VPS13C: variants seen among roughly 807,000 people sequenced by gnomAD.
The protein encoded by VPS13C is vacuolar protein sorting 13 homolog C.
VPS13C carries 358 observed loss-of-function variants against 456.8 expected under a neutral mutation model. The ratio of observed to expected loss-of-function variants is 0.78; its 90% confidence interval spans 0.72 to 0.86. VPS13C has a LOEUF of 0.86. VPS13C is among the 40% of genes least tolerant of loss of function. VPS13C has a pLI of 0.00. For missense variants in VPS13C, 4,818 were observed against 4,385.4 expected, an observed-to-expected ratio of 1.10 and a Z score of -2.79; for synonymous variants, 1,578 against 1,486.7, an observed-to-expected ratio of 1.06 and a Z score of -1.41.
chr15:61,909,044 G>A lies in VPS13C; in HGVS notation c.8926C>T (p.Pro2976Ser), dbSNP rs747131191. The stretch of plus-strand genomic sequence containing the variant: ...GGTGTATGGTTCATTATCAAGGCAG[G>A]TGCAGATCCCTCATGGTAATCAGAA... ...TFSDYHEGSA[P>S]ALIMNHTPWD... is the part of the protein sequence containing the mutation. Residue 2976 changes from proline to serine, a missense_variant, in exon 65 of 85, where the codon CCT becomes TCT. Pro to Ser is a moderately conservative substitution (Grantham distance 74). This residue lies in a region of VPS13C where 4,552 missense variants were observed against 4,130.6 expected (regional missense o/e 1.10). Coordinates refer to ENST00000644861, the MANE Select transcript of VPS13C (RefSeq NM_020821.3). 17 of 1,613,654 alleles carry A rather than the reference G, an allele frequency of 1.1e-5. No homozygotes were observed. The highest frequency in any genetic ancestry group is 1.7e-5 in the Admixed American group (1 of 59,966).
At chr15:61,937,003 T>TG (rs1412887885) in intron 47 of VPS13C, among the ~76,000 whole-genome samples, 4 of 152,204 alleles carry the variant, frequency 2.6e-5, no homozygotes, top group African/African-American at 9.6e-5. Context: ...TCTGTTACTA[T>TG]GTCTTCCTGT....
chr15:61,962,755 A>G lies in VPS13C; in HGVS notation c.3429T>C (p.His1143=). 1 of 1,592,332 alleles carries G rather than the reference A, an allele frequency of 6.3e-7. No individual in the cohort carries two copies. Among genetic ancestry groups the G allele is most frequent in the Non-Finnish European group, 8.6e-7 (1 of 1,166,240 alleles). The change falls in exon 33 of 85, where the codon CAT becomes CAC. Residue 1143 remains histidine (H), a synonymous_variant. Transcript: ENST00000644861. ...TCTGTTTACAATCACCTACTTTCTT[A>G]TGAACTGTCTTTGGATCAACATCTG... The part of the protein sequence containing the change: ...IVTDVDPKTV[H]KKAVSIMGNE...
At position 61,922,399 on chromosome 15, in the gene VPS13C, G is replaced by C; in HGVS notation, c.6973C>G (p.Gln2325Glu). The change falls in exon 54 of 85, where the codon CAG becomes GAG. Residue 2325 changes from glutamine (Q) to glutamate (E), a missense_variant and splice_region_variant. Coordinates refer to ENST00000644861, the MANE Select transcript of VPS13C (RefSeq NM_020821.3). ...LMAAVADVTL[Q>E]VHYYNEIHAV... ...GGTATTAAGTGATGTGGCCATACCT[G>C]TAGTGTCACGTCAGCAACAGCAGCC... 6.2e-7 allele frequency: 1 copy of C among 1,611,814 alleles called. No individual in the cohort carries two copies. The highest frequency in any genetic ancestry group is 8.5e-7 in the Non-Finnish European group (1 of 1,178,880).
In VPS13C at chr15:61,983,951, A is replaced by T; in HGVS notation, c.1783T>A (p.Ser595Thr). ...TGLRQQDIVP[S>T]LVASIGDTTS... The stretch of plus-strand genomic sequence containing the variant: ...GTGTCACCAATTGAAGCCACAAGTG[A>T]TGGCACAATATCCTGCTGTCTCAAA... The change falls in exon 20 of 85, where the codon TCA (serine) becomes ACA (threonine). Residue 595 changes from serine (S) to threonine (T), a missense_variant. Ser to Thr is a moderately conservative substitution (Grantham distance 58). This residue lies in a region of VPS13C where 4,552 missense variants were observed against 4,130.6 expected (regional missense o/e 1.10). Transcript: ENST00000644861. 6.2e-7 allele frequency: 1 copy of T among 1,614,140 alleles called. No homozygotes were observed. The highest frequency in any genetic ancestry group is 8.5e-7 in the Non-Finnish European group (1 of 1,180,000).
intron 35 of VPS13C, 31 bp from the exon 36 acceptor site, chr15:61,959,626 T>A: frequency 6.2e-7 from 1 of 1,602,122 alleles, no homozygotes; most frequent in South Asian, 1.1e-5. Context: ...ACATAATGCA[T>A]AGATATAGGG....
Position 61,977,205 on chromosome 15 carries a change from A to C in VPS13C, c.2291-6T>G. ...ACACTTTTTCCAGGTTTCCTCTTTA[A>C]AAAATAATTTAAGATATTATTTATT... On this transcript the variant is annotated splice_polypyrimidine_tract_variant and splice_region_variant and intron_variant, in intron 23 of 84. Transcript: ENST00000644861. The C allele has an allele frequency of 6.6e-7, 1 of 1,506,206 alleles. No homozygotes were observed. Among genetic ancestry groups the C allele is most frequent in the Non-Finnish European group, 8.9e-7 (1 of 1,120,610 alleles). The allele number at this position is 1,506,206 out of a possible 1,614,324, so 93.3% of individuals were successfully genotyped here.
At position 61,880,907 on chromosome 15, in the gene VPS13C, C is replaced by G; in HGVS notation, c.9824G>C (p.Gly3275Ala). The G allele has an allele frequency of 6.2e-7, 1 of 1,609,930 alleles. No individual in the cohort carries two copies. Among genetic ancestry groups the G allele is most frequent in the Non-Finnish European group, 8.5e-7 (1 of 1,178,188 alleles). The change falls in exon 72 of 85, where the codon GGG becomes GCG. Residue 3275 changes from glycine (G) to alanine (A), a missense_variant. Gly to Ala is a moderately conservative substitution (Grantham distance 60, BLOSUM62 0). Around this residue, in one of 3 missense-constraint regions of VPS13C, gnomAD observed 4,552 missense variants for 4,130.6 expected, o/e 1.10. Transcript: ENST00000644861. ...CAGTGCAATAATAGCTCCTAGAAACCCTTGATCAATTTTTAAGGCCATTTC... is the reference window on the plus strand; with the variant it reads ...CAGTGCAATAATAGCTCCTAGAAACGCTTGATCAATTTTTAAGGCCATTTC... ...IQEMALKIDQ[G>A]FLGAIIALFT... is the part of the protein sequence containing the mutation.
At chr15:62,017,196 G>T (rs2047285719) in intron 9 of VPS13C, among the ~76,000 whole-genome samples, 1 of 151,854 alleles carries the variant, frequency 6.6e-6, no homozygotes, top group African/African-American at 2.4e-5. Flanking sequence ...CCCTTTGTCA[G>T]ATGAGTAGGT....
At chr15:61,925,370 A>G in intron 53 of VPS13C, 86 bp downstream of exon 53, 1 of 690,926 alleles carries the variant, frequency 1.4e-6, no homozygotes, top group Non-Finnish European at 2.2e-6. Context: ...TATGAGAGAC[A>G]TCAAAAGATA....
At chr15:61,868,267 G>T (rs556609064) in intron 81 of VPS13C, among the ~76,000 whole-genome samples, 1 of 151,822 alleles carries the variant, frequency 6.6e-6, no homozygotes, top group African/African-American at 2.4e-5. Context: ...CTAGTTACTG[G>T]AATAAATCTA....
chr15:62,042,296 T>C (rs1313369949), intron 2 of VPS13C, among the ~76,000 whole-genome samples: 4 of 152,280 alleles, frequency 2.6e-5, no homozygotes, highest in African/African-American at 7.2e-5. Flanking sequence ...ATATCCATAA[T>C]GATAACCTGA....
intron 5 of VPS13C, among the ~76,000 whole-genome samples, chr15:62,032,276 T>C (rs2047845143): frequency 6.6e-6 from 1 of 151,738 alleles, no homozygotes; most frequent in African/African-American, 2.4e-5. Flanking sequence ...ACAATTGTCA[T>C]GAAACAAAAC....
intron 66 of VPS13C, among the ~76,000 whole-genome samples, chr15:61,905,256 T>C (rs1003488938): frequency 6.6e-6 from 1 of 152,188 alleles, no homozygotes; most frequent in Non-Finnish European, 1.5e-5. Context: ...AACTATTATG[T>C]ATGAATTTTT....
At chr15:62,006,801 C>G (rs1322924694) in intron 15 of VPS13C, among the ~76,000 whole-genome samples, 1 of 152,204 alleles carries the variant, frequency 6.6e-6, no homozygotes, top group Non-Finnish European at 1.5e-5. Context: ...GCCATTCTAA[C>G]TGGTGTGAGA....
At chr15:62,022,927 C>T (rs1006596402) in intron 8 of VPS13C, among the ~76,000 whole-genome samples, 1 of 151,836 alleles carries the variant, frequency 6.6e-6, no homozygotes, top group Admixed American at 6.6e-5. Flanking sequence ...TTCTTCTGTG[C>T]AACTACTGTT....
intron 23 of VPS13C, 122 bp downstream of exon 23, chr15:61,978,504 G>T: frequency 8.3e-7 from 1 of 1,199,594 alleles, no homozygotes; most frequent in Non-Finnish European, 1.1e-6. Context: ...TATTTAAGCA[G>T]CCAAAAGAAT....
chr15:62,018,117 G>T (rs1466849914), intron 9 of VPS13C, among the ~76,000 whole-genome samples: 2 of 152,152 alleles, frequency 1.3e-5, no homozygotes, highest in Non-Finnish European at 2.9e-5. Flanking sequence ...GAATGCTTGT[G>T]ATTTTTGCAC....
rs188963171 is a variant in VPS13C at position 61,991,679 on chromosome 15, G to A, written c.1477C>T (p.Pro493Ser). 1.9e-6 allele frequency: 3 copies of A among 1,610,004 alleles called. No individual in the cohort carries two copies. Among genetic ancestry groups the A allele is most frequent in the East Asian group, 2.2e-5 (1 of 44,828 alleles). ...SKKKDEESLI[P>S]ETIDDLMTPE... The stretch of plus-strand genomic sequence containing the variant: ...TATTTGACTTGGAACTTACTTTCAG[G>A]AATCAATGATTCTTCGTCCTTTTTC... The change falls in exon 17 of 85, where the codon CCT (proline) becomes TCT (serine). Residue 493 changes from proline (P) to serine (S), a missense_variant. Physicochemically the swap from Pro to Ser is moderately conservative, Grantham distance 74 (BLOSUM62 -1). Transcript: ENST00000644861.
chr15:61,925,936 C>T (rs1227890592), intron 52 of VPS13C, among the ~76,000 whole-genome samples: 1 of 152,032 alleles, frequency 6.6e-6, no homozygotes, highest in Non-Finnish European at 1.5e-5. Context: ...AACAGTTTCC[C>T]GATGCTTGAC....
Sources: allele counts gnomAD v4.1 joint callset (sites outside exome capture counted in the v4.1 genomes callset), GRCh38; gene constraint gnomAD v4.1.1; regional missense constraint gnomAD v4.1.1; transcripts MANE v1.5; gene names NCBI Gene and HGNC (gene_info 2026-07-23, HGNC 2026-07-21).